Variants in ANKRD30A observed in about 807,000 individuals in gnomAD.
The protein encoded by ANKRD30A is ankyrin repeat domain 30A.
A neutral mutation model predicts 166.3 loss-of-function variants in ANKRD30A; 170 were observed. The ratio of observed to expected loss-of-function variants is 1.02; its 90% confidence interval spans 0.90 to 1.16. The LOEUF is 1.16. ANKRD30A is among the 50% of genes most tolerant of loss of function. ANKRD30A has a pLI of 0.00. For synonymous variants in ANKRD30A, 564 were observed against 508.9 expected (o/e 1.11, Z -1.46); for missense variants, 1,630 against 1,518.0 (o/e 1.07, Z -1.23).
intron 15 of ANKRD30A, among the ~76,000 whole-genome samples, chr10:37,162,350 G>A (rs536974465): frequency 2.8e-4 from 42 of 152,222 alleles, no homozygotes; most frequent in Admixed American, 1.7e-3. Context: ...AGTACGTGGC[G>A]TAGCATTCCA....
chr10:37,171,708 T>C (rs2997345), intron 21 of ANKRD30A, among the ~76,000 whole-genome samples: 9 of 151,272 alleles, frequency 5.9e-5, no homozygotes, highest in East Asian at 5.8e-4. Context: ...TTTTCTTTTT[T>C]AAAAAGATAT....
intron 6 of ANKRD30A, 142 bp downstream of exon 6, chr10:37,136,813 A>G (rs61866718): frequency 8.6e-4 from 234 of 272,150 alleles, no homozygotes; most frequent in Non-Finnish European, 1.4e-3. Context: ...GGGTGTGTGT[A>G]TGTGTGTGTG....
At position 37,158,397 on chromosome 10, in the gene ANKRD30A, C is replaced by G. The variant is rs201669885; in HGVS notation, c.1804C>G (p.Pro602Ala). 1.2e-6 allele frequency: 2 copies of G among 1,609,794 alleles called. No homozygotes were observed. Among genetic ancestry groups the G allele is most frequent in the East Asian group, 2.2e-5 (1 of 44,756 alleles). Residue 602 changes from proline to alanine, a missense_variant, in exon 14 of 36, where the codon CCT (proline) becomes GCT (alanine). Pro to Ala is a conservative substitution (Grantham distance 27). Coordinates refer to ENST00000361713, the MANE Select transcript of ANKRD30A (RefSeq NM_052997.3). ...DKINGKLEESPNKDGLLKATC... is the reference protein window; with the variant it reads ...DKINGKLEESANKDGLLKATC... Reference sequence around the variant, plus strand: ...GTATGTCCCTTTTCTTATAGAGTCTCCTAATAAAGATGGTCTTCTGAAGGT... The same window carrying G: ...GTATGTCCCTTTTCTTATAGAGTCTGCTAATAAAGATGGTCTTCTGAAGGT...
At chr10:37,233,186 T>A (rs1381494937), downstream of ANKRD30A, among the ~76,000 whole-genome samples, 1 of 152,130 alleles carries the variant, frequency 6.6e-6, no homozygotes, top group Non-Finnish European at 1.5e-5. Context: ...ATGGGAACAA[T>A]TAAATGATTG....
chr10:37,156,304 A>G (rs996126713), intron 13 of ANKRD30A, among the ~76,000 whole-genome samples: 4 of 152,114 alleles, frequency 2.6e-5, no homozygotes, highest in African/African-American at 9.7e-5. Flanking sequence ...CGGCTCATGA[A>G]TCTTTCGAGC....
chr10:37,237,701 GTT>G, the ANKRD30A span, among the ~76,000 whole-genome samples: 1 of 152,176 alleles, frequency 6.6e-6, no homozygotes, highest in Admixed American at 6.6e-5. Flanking sequence ...TAGGTTAGCA[GTT>G]TATTAACCTT....
At chr10:37,152,142 T>A (rs760413320) in intron 12 of ANKRD30A, 21 bp downstream of exon 12, 13 of 1,567,214 alleles carry the variant, frequency 8.3e-6, no homozygotes, top group Middle Eastern at 1.7e-4. Flanking sequence ...TTATTGATTT[T>A]TTTTTAATAT....
At chr10:37,147,275 G>A (rs1401603860) in intron 8 of ANKRD30A, 95 bp from the exon 9 acceptor site, 5 of 985,274 alleles carry the variant, frequency 5.1e-6, no homozygotes, top group African/African-American at 1.7e-5. Flanking sequence ...AATTGCCTTT[G>A]AAGTCAGAAA....
intron 5 of ANKRD30A, among the ~76,000 whole-genome samples, chr10:37,134,821 A>T (rs980523809): frequency 6.6e-6 from 1 of 152,326 alleles, no homozygotes; most frequent in East Asian, 1.9e-4. Flanking sequence ...TCTTGCAAAT[A>T]TTAATTGTGA....
intron 1 of ANKRD30A, among the ~76,000 whole-genome samples, 182 bp from the exon 2 acceptor site, chr10:37,129,711 T>C (rs1836260660): frequency 6.6e-6 from 1 of 152,220 alleles, no homozygotes; most frequent in African/African-American, 2.4e-5. Flanking sequence ...AATAGGCCAC[T>C]CTTTCTTTAA....
the ANKRD30A span, among the ~76,000 whole-genome samples, chr10:37,263,406 A>G: frequency 2.0e-5 from 3 of 151,844 alleles, no homozygotes; most frequent in African/African-American, 7.3e-5. Flanking sequence ...TCTCTTATAT[A>G]TTACATTGTA....
intron 19 of ANKRD30A, among the ~76,000 whole-genome samples, chr10:37,167,114 T>C (rs1001611609): frequency 6.6e-6 from 1 of 151,748 alleles, no homozygotes; most frequent in Non-Finnish European, 1.5e-5. Context: ...CTAGATGATT[T>C]TGGATTTTCT....
intron 18 of ANKRD30A, among the ~76,000 whole-genome samples, 157 bp from the exon 19 acceptor site, chr10:37,166,447 CA>C (rs1839352972): frequency 6.6e-6 from 1 of 151,764 alleles, no homozygotes; most frequent in African/African-American, 2.4e-5. Context: ...GGTTTTCTAT[CA>C]AAATGTGTTT....
intron 9 of ANKRD30A, among the ~76,000 whole-genome samples, chr10:37,148,077 T>C (rs560571163): frequency 1.5e-4 from 22 of 148,264 alleles, no homozygotes; most frequent in African/African-American, 4.9e-4. Context: ...CAAATACTTA[T>C]GAAACATTAG....
chr10:37,179,014 A>ATATATATATT (rs1839962080), intron 24 of ANKRD30A, among the ~76,000 whole-genome samples: 1 of 684 alleles, frequency 1.5e-3, no homozygotes, highest in Non-Finnish European at 3.8e-3. Flanking sequence ...GAGGCGTCAA[A>ATATATATATT]TATATATATA....
In ANKRD30A at chr10:37,171,550, G is replaced by C. The variant is rs537157741; in HGVS notation, c.2257+1826G>C. Among the ~76,000 whole-genome samples the C allele has an allele frequency of 2.6e-5, 4 of 151,712 alleles. No homozygotes were observed. In the East Asian group the frequency reaches 5.8e-4, roughly 22 times the overall value. The stretch of plus-strand genomic sequence containing the variant: ...AAATAGGAAAAACATTATGGCCCCC[G>C]GTGTATTTGTTGAACTTCAGAGATG... On this transcript the variant is annotated intron_variant, in intron 21 of 35. Transcript: ENST00000361713.
intron 21 of ANKRD30A, among the ~76,000 whole-genome samples, chr10:37,172,572 A>T: frequency 1.4e-5 from 2 of 143,452 alleles, no homozygotes; most frequent in East Asian, 2.0e-4. Context: ...TTTTTAGTAG[A>T]AGCATTCAAG....
intron 34 of ANKRD30A, among the ~76,000 whole-genome samples, chr10:37,227,090 A>C (rs757336846): frequency 5.3e-5 from 8 of 151,892 alleles, no homozygotes; most frequent in Non-Finnish European, 1.2e-4. Context: ...ACAGTTATCA[A>C]ATATTTTCTC....
chr10:37,207,837 T>G (rs1842075643), intron 31 of ANKRD30A, among the ~76,000 whole-genome samples: 1 of 152,118 alleles, frequency 6.6e-6, no homozygotes, highest in African/African-American at 2.4e-5. Flanking sequence ...ATAAATTTCA[T>G]TGATAGAAAA....
Sources: gnomAD v4.1 joint callset for allele counts (sites outside exome capture counted in the v4.1 genomes callset) on GRCh38, gnomAD v4.1.1 for gene constraint, MANE v1.5 for transcripts, NCBI Gene and HGNC (gene_info 2026-07-23, HGNC 2026-07-21) for gene names.